PPM1G: variants seen among roughly 807,000 people sequenced by gnomAD.
The protein encoded by PPM1G is protein phosphatase, Mg2+/Mn2+ dependent 1G.
PPM1G carries 12 observed loss-of-function variants against 59.4 expected under a neutral mutation model. That is an observed-to-expected ratio of 0.20 (90% CI 0.13 to 0.33). PPM1G has a LOEUF of 0.33. PPM1G is among the 10% of genes least tolerant of loss of function. The pLI is 1.00. For missense variants in PPM1G, 392 were observed against 681.3 expected, an observed-to-expected ratio of 0.58 and a Z score of 4.73; for synonymous variants, 245 against 251.9, an observed-to-expected ratio of 0.97 and a Z score of 0.26.
Position 27,381,425 on chromosome 2 carries a change from G to A in PPM1G, c.*174C>T, listed in dbSNP as rs1037752039. 4 of 668,004 alleles carry A rather than the reference G, an allele frequency of 6.0e-6. No homozygotes were observed. The highest frequency in any genetic ancestry group is 2.7e-5 in the Admixed American group (1 of 36,580). 41.4% of individuals were successfully genotyped at this position (668,004 alleles called of 1,614,324 possible). ...GAGGCGGCTGGGAAGGACAGCAGAG[G>A]CTCCCGGCTGCAGTGTGGAGGGAGA... On this transcript the variant is annotated 3_prime_UTR_variant, in exon 10 of 10. Transcript: ENST00000344034.
chr2:27,409,453 G>C lies in PPM1G; in HGVS notation c.-31C>G, dbSNP rs1173148304. On this transcript the variant is annotated 5_prime_UTR_variant, in exon 1 of 10. Transcript: ENST00000344034. ...CGGCTGGCCGGCGGCCTCAGGTGCA[G>C]GAAAGCTGGGCGCGACCCGTGCCGG... The C allele has an allele frequency of 9.7e-5, 143 of 1,481,614 alleles. No homozygotes were observed. Among genetic ancestry groups the C allele is most frequent in the Non-Finnish European group, 1.3e-4 (141 of 1,117,652 alleles). The allele number at this position is 1,481,614 out of a possible 1,614,324, so 91.8% of individuals were successfully genotyped here.
intron 1 of PPM1G, among the ~76,000 whole-genome samples, chr2:27,405,133 G>A (rs1663324846): frequency 6.7e-6 from 1 of 148,906 alleles, no homozygotes; most frequent in South Asian, 2.2e-4. Flanking sequence ...GAGTGCAGTG[G>A]TGCGATCTCG....
Position 27,386,221 on chromosome 2 carries a change from C to G in PPM1G, c.249G>C (p.Lys83Asn). ...KYLPDIIKDQ[K>N]AYKEGKLQKA... ...TCTGTAGCTTGCCTTCCTTGTAGGC[C>G]TTCTGATCTTTGATGATATCAGGAA... Residue 83 changes from lysine to asparagine, a missense_variant, in exon 3 of 10, where the codon AAG (lysine) becomes AAC (asparagine). By Grantham distance (94) the Lys-to-Asn change is moderately conservative. Around this residue, in one of 6 missense-constraint regions of PPM1G, gnomAD observed 68 missense variants for 145.9 expected, o/e 0.47. Transcript: ENST00000344034. The G allele has an allele frequency of 6.2e-7, 1 of 1,613,840 alleles. No homozygotes were observed.
intron 1 of PPM1G, among the ~76,000 whole-genome samples, chr2:27,389,385 C>T (rs890242927): frequency 2.0e-5 from 3 of 152,092 alleles, no homozygotes; most frequent in Admixed American, 6.6e-5. Context: ...GGTCTCAGTC[C>T]TGAGAACTAT....
intron 2 of PPM1G, chr2:27,386,847 T>C (rs1430374191): frequency 2.9e-6 from 1 of 342,000 alleles, no homozygotes; most frequent in Non-Finnish European, 5.3e-6. Flanking sequence ...CTAAAAATTT[T>C]AAAAAATAAA....
At position 27,382,425 on chromosome 2, in the gene PPM1G, G is replaced by C; in HGVS notation, c.1331+51C>G. 2 of 1,610,992 alleles carry C rather than the reference G, an allele frequency of 1.2e-6. No homozygotes were observed. The highest frequency in any genetic ancestry group is 1.7e-6 in the Non-Finnish European group (2 of 1,178,654). The stretch of plus-strand genomic sequence containing the variant: ...CCTAGAGGTGCCCTGAGTCCTATAA[G>C]AGAAGACATGCTGCAGAAAGGGGAA... On this transcript the variant is annotated intron_variant, in intron 8 of 9. Transcript: ENST00000344034. The surrounding 1 kb of genome is among the most constrained non-coding windows in gnomAD (Gnocchi z 4.2).
Position 27,385,744 on chromosome 2 carries a change from C to T in PPM1G, c.409+3G>A, listed in dbSNP as rs777712680. The T allele has an allele frequency of 2.5e-6, 4 of 1,610,174 alleles. No homozygotes were observed. Among genetic ancestry groups the T allele is most frequent in the Non-Finnish European group, 3.4e-6 (4 of 1,178,938 alleles). Reference sequence around the variant, plus strand: ...CCCCTCAAACAAGGGATGCCACACTCACCATCATCTTCATCAGCTACTTTT... The same window carrying T: ...CCCCTCAAACAAGGGATGCCACACTTACCATCATCTTCATCAGCTACTTTT... On this transcript the variant is annotated splice_donor_region_variant and intron_variant, in intron 4 of 9. Transcript: ENST00000344034. The surrounding 1 kb of genome is among the most constrained non-coding windows in gnomAD (Gnocchi z 4.1).
At chr2:27,398,867 G>A (rs1684115987) in intron 1 of PPM1G, among the ~76,000 whole-genome samples, 1 of 151,794 alleles carries the variant, frequency 6.6e-6, no homozygotes. Context: ...AAAAGAATCA[G>A]GGTGTAGTGG....
chr2:27,385,901 TAAGAC>T lies in PPM1G; in HGVS notation c.277-27_277-23del, dbSNP rs780051255. The T allele has an allele frequency of 2.5e-6, 4 of 1,605,794 alleles. No homozygotes were observed. Among genetic ancestry groups the T allele is most frequent in the Non-Finnish European group, 3.4e-6 (4 of 1,177,702 alleles). ...AAGCCTGAATATAAGCAAAATAGTC[TAAGAC>T]TAGTACAAAATGAACTCCCTATATA... On this transcript the variant is annotated intron_variant, in intron 3 of 9. Coordinates refer to ENST00000344034, the MANE Select transcript of PPM1G (RefSeq NM_177983.3). This position sits in a 1 kb window ranked among gnomAD's most constrained non-coding sequence, Gnocchi z 4.1.
chr2:27,399,217 A>G (rs1219836485), intron 1 of PPM1G, among the ~76,000 whole-genome samples: 2 of 152,210 alleles, frequency 1.3e-5, no homozygotes, highest in African/African-American at 4.8e-5. Context: ...AAATTGGAGA[A>G]AAGATTTGCA....
intron 1 of PPM1G, among the ~76,000 whole-genome samples, chr2:27,402,689 G>A (rs1558321925): frequency 2.6e-5 from 4 of 151,662 alleles, no homozygotes. Flanking sequence ...GGCGCCTGTA[G>A]TCCAGCTACG....
Position 27,385,885 on chromosome 2 carries a change from T to C in PPM1G, c.277-6A>G. ...AAGAAGGCATCTTCTAAAGCCTGAA[T>C]ATAAGCAAAATAGTCTAAGACTAGT... On this transcript the variant is annotated splice_region_variant and splice_polypyrimidine_tract_variant and intron_variant, in intron 3 of 9. Transcript: ENST00000344034. The surrounding 1 kb of genome is among the most constrained non-coding windows in gnomAD (Gnocchi z 4.1). 6.2e-7 allele frequency: 1 copy of C among 1,610,648 alleles called. No homozygotes were observed. Among genetic ancestry groups the C allele is most frequent in the Non-Finnish European group, 8.5e-7 (1 of 1,179,144 alleles).
intron 1 of PPM1G, among the ~76,000 whole-genome samples, chr2:27,398,613 A>G (rs2148425626): frequency 6.6e-6 from 1 of 151,772 alleles, no homozygotes; most frequent in Admixed American, 6.6e-5. Context: ...CACGAGGTCA[A>G]GAGATCGAGA....
At chr2:27,387,645 C>T (rs1683801835) in intron 1 of PPM1G, among the ~76,000 whole-genome samples, 1 of 152,076 alleles carries the variant, frequency 6.6e-6, no homozygotes, top group African/African-American at 2.4e-5. Flanking sequence ...AGATTACAGG[C>T]ATGTGCCACC....
chr2:27,387,628 A>G (rs1410188383), intron 1 of PPM1G, among the ~76,000 whole-genome samples: 1 of 151,770 alleles, frequency 6.6e-6, no homozygotes, highest in Non-Finnish European at 1.5e-5. Flanking sequence ...CGCCTGCTGA[A>G]TAGCTGAGAT....
chr2:27,398,284 G>C (rs1472638798), intron 1 of PPM1G, among the ~76,000 whole-genome samples: 3 of 152,058 alleles, frequency 2.0e-5, no homozygotes, highest in South Asian at 4.1e-4. Flanking sequence ...AACAAATAGT[G>C]CTGGGACAAC....
chr2:27,385,298 A>C lies in PPM1G; in HGVS notation c.410-210T>G. The C allele has an allele frequency of 1.8e-6, 1 of 546,166 alleles. No individual in the cohort carries two copies. The highest frequency in any genetic ancestry group is 3.1e-6 in the Non-Finnish European group (1 of 317,612). 33.8% of individuals were successfully genotyped at this position (546,166 alleles called of 1,614,324 possible). On this transcript the variant is annotated intron_variant, in intron 4 of 9. Coordinates refer to ENST00000344034, the MANE Select transcript of PPM1G (RefSeq NM_177983.3). The surrounding 1 kb of genome is among the most constrained non-coding windows in gnomAD (Gnocchi z 4.1). The stretch of plus-strand genomic sequence containing the variant: ...TTTGTGTTTCATCCCCTTCTTAATC[A>C]AAACAACACTAGTTACTATACTTCC...
intron 1 of PPM1G, among the ~76,000 whole-genome samples, chr2:27,403,039 G>A (rs1262258780): frequency 2.0e-5 from 3 of 152,020 alleles, no homozygotes; most frequent in Admixed American, 1.3e-4. Context: ...TGTAAAGGCA[G>A]ATAAGTGTAG....
At position 27,383,353 on chromosome 2, in the gene PPM1G, T is replaced by A; in HGVS notation, c.1201+13A>T. The A allele has an allele frequency of 6.2e-7, 1 of 1,611,124 alleles. No individual in the cohort carries two copies. The highest frequency in any genetic ancestry group is 8.5e-7 in the Non-Finnish European group (1 of 1,177,330). On this transcript the variant is annotated intron_variant, in intron 7 of 9. Transcript: ENST00000344034. This position sits in a 1 kb window ranked among gnomAD's most constrained non-coding sequence, Gnocchi z 5.0. ...AAGACCCTAGAAGTCTTTCCCAGTT[T>A]CTTGGCCCTTACCAATGGCTCTGGA...
Sources: gnomAD v4.1 joint callset for allele counts (sites outside exome capture counted in the v4.1 genomes callset) on GRCh38, gnomAD v4.1.1 for gene constraint, gnomAD v4.1.1 regional missense constraint, Gnocchi (gnomAD v3.1) non-coding constraint, MANE v1.5 for transcripts, NCBI Gene and HGNC (gene_info 2026-07-23, HGNC 2026-07-21) for gene names.